SORCS3: variants seen among roughly 807,000 people sequenced by gnomAD.
SORCS3 encodes VPS10 domain-containing receptor SorCS3.
SORCS3 carries 57 observed loss-of-function variants against 146.3 expected under a neutral mutation model. The observed-to-expected ratio is 0.39, with a 90% CI of 0.31 to 0.49. SORCS3 has a LOEUF of 0.49. Ranked by LOEUF, SORCS3 falls within the 20% of genes least tolerant of loss-of-function variation. SORCS3 has a pLI of 0.92. For missense variants in SORCS3, 1,341 were observed against 1,575.5 expected, an observed-to-expected ratio of 0.85 and a Z score of 2.52; for synonymous variants, 653 against 618.5, an observed-to-expected ratio of 1.06 and a Z score of -0.83.
At position 105,262,463 on chromosome 10, in the gene SORCS3, G is replaced by A. The variant is rs1451227252; in HGVS notation, c.3576G>A (p.Leu1192=). The A allele has an allele frequency of 6.2e-7, 1 of 1,613,820 alleles. No individual in the cohort carries two copies. Among genetic ancestry groups the A allele is most frequent in the African/African-American group, 1.3e-5 (1 of 74,900 alleles). ...LSDFTEPEEL[L]DKELDTRVIG... ...ACTTTACGGAGCCTGAGGAGCTGCT[G>A]GACAAAGAGCTGGACACGCGGGTCA... The change falls in exon 26 of 27, where the codon CTG becomes CTA. Residue 1192 remains leucine, a synonymous_variant. Transcript: ENST00000369701.
rs563117113 is a variant in SORCS3 at position 104,861,149 on chromosome 10, T to C, written c.695+18290T>C. Among the ~76,000 whole-genome samples, 9 of 152,282 alleles carry C rather than the reference T, an allele frequency of 5.9e-5. 1 individual carries two copies. The highest frequency in any genetic ancestry group is 5.9e-4 in the Admixed American group (9 of 15,302). Reference sequence around the variant, plus strand: ...CTCCCCCTCAGTTCAGTTCCCTTAATAACTACTGAGGGACTTGTCAAACAG... The same window carrying C: ...CTCCCCCTCAGTTCAGTTCCCTTAACAACTACTGAGGGACTTGTCAAACAG... On this transcript the variant is annotated intron_variant, in intron 2 of 26. Transcript: ENST00000369701.
At chr10:104,643,594 T>C (rs964888697) in intron 1 of SORCS3, among the ~76,000 whole-genome samples, 2 of 152,116 alleles carry the variant, frequency 1.3e-5, no homozygotes, top group Non-Finnish European at 2.9e-5. Context: ...GACTTCCAAG[T>C]CCCTTCCAAG....
chr10:104,739,358 A>G (rs556142781), intron 1 of SORCS3, among the ~76,000 whole-genome samples: 2 of 152,292 alleles, frequency 1.3e-5, no homozygotes, highest in East Asian at 1.9e-4. Context: ...TTTTTCTGCT[A>G]TTGTCACATA....
At chr10:105,216,780 A>G (rs1386048218) in intron 18 of SORCS3, among the ~76,000 whole-genome samples, 156 bp from the exon 19 acceptor site, 1 of 152,104 alleles carries the variant, frequency 6.6e-6, no homozygotes, top group African/African-American at 2.4e-5. Flanking sequence ...TACCCTGCGG[A>G]TCAGATAGGA....
chr10:105,082,200 T>C (rs1414781735), intron 5 of SORCS3, among the ~76,000 whole-genome samples: 1 of 152,172 alleles, frequency 6.6e-6, no homozygotes, highest in Non-Finnish European at 1.5e-5. Flanking sequence ...AGGAGCCTTG[T>C]GAAGAGTTGG....
intron 14 of SORCS3, among the ~76,000 whole-genome samples, chr10:105,186,116 GGAA>G (rs1382425935): frequency 1.3e-5 from 2 of 152,176 alleles, no homozygotes; most frequent in African/African-American, 4.8e-5. Context: ...GTACATACAT[GGAA>G]GAAGTTCTCT....
intron 2 of SORCS3, among the ~76,000 whole-genome samples, chr10:104,891,100 C>T (rs1376156353): frequency 2.0e-5 from 3 of 152,112 alleles, no homozygotes; most frequent in Non-Finnish European, 4.4e-5. Flanking sequence ...AATTCTTACA[C>T]GTGTTTTGTT....
chr10:105,064,327 C>A (rs771055271), intron 5 of SORCS3, among the ~76,000 whole-genome samples: 6 of 152,082 alleles, frequency 3.9e-5, no homozygotes, highest in African/African-American at 1.4e-4. Flanking sequence ...GTGAATTAGT[C>A]AGGGCTCTCC....
intron 1 of SORCS3, among the ~76,000 whole-genome samples, chr10:104,803,487 C>T (rs904762502): frequency 2.0e-5 from 3 of 152,168 alleles, no homozygotes; most frequent in Admixed American, 2.0e-4. Context: ...TCAACCAGCT[C>T]ACCTTGATTT....
At chr10:105,192,211 G>A (rs2056521034) in intron 14 of SORCS3, among the ~76,000 whole-genome samples, 1 of 152,082 alleles carries the variant, frequency 6.6e-6, no homozygotes, top group Non-Finnish European at 1.5e-5. Context: ...AATAAGGATG[G>A]TCTCTGGAAA....
intron 3 of SORCS3, among the ~76,000 whole-genome samples, chr10:104,976,366 A>G (rs2054897458): frequency 2.0e-5 from 3 of 152,322 alleles, no homozygotes; most frequent in Non-Finnish European, 2.9e-5. Context: ...ATGAGATACC[A>G]TCTCACACCA....
At chr10:105,025,526 C>G (rs1472358714) in intron 4 of SORCS3, among the ~76,000 whole-genome samples, 1 of 152,162 alleles carries the variant, frequency 6.6e-6, no homozygotes, top group African/African-American at 2.4e-5. Flanking sequence ...CAAAATTATA[C>G]TTTCTCGTGT....
chr10:104,954,089 A>G (rs951764779), intron 3 of SORCS3, among the ~76,000 whole-genome samples: 1 of 152,218 alleles, frequency 6.6e-6, no homozygotes, highest in African/African-American at 2.4e-5. Context: ...ATATGTATAT[A>G]TATATTTGAC....
At chr10:105,153,814 TAATCCCAGCA>T (rs2056185628) in intron 9 of SORCS3, among the ~76,000 whole-genome samples, 1 of 152,002 alleles carries the variant, frequency 6.6e-6, no homozygotes, top group Non-Finnish European at 1.5e-5. Flanking sequence ...CTCACACCTG[TAATCCCAGCA>T]CTTTGGGAGA....
At chr10:105,001,668 GA>G (rs2055062197) in intron 4 of SORCS3, among the ~76,000 whole-genome samples, 1 of 152,148 alleles carries the variant, frequency 6.6e-6, no homozygotes, top group African/African-American at 2.4e-5. Context: ...CCCTTTAAGG[GA>G]AAAAGATGGA....
intron 20 of SORCS3, among the ~76,000 whole-genome samples, chr10:105,240,518 T>G (rs555654434): frequency 6.6e-6 from 1 of 152,334 alleles, no homozygotes; most frequent in Non-Finnish European, 1.5e-5. Context: ...CATGTCTATC[T>G]GTCCATCCTT....
intron 4 of SORCS3, among the ~76,000 whole-genome samples, chr10:105,014,943 ATC>A (rs1327701702): frequency 6.6e-6 from 1 of 152,186 alleles, no homozygotes; most frequent in Non-Finnish European, 1.5e-5. Flanking sequence ...TGAGAAGTAA[ATC>A]TCTGTTGTTT....
chr10:105,078,350 C>T lies in SORCS3; in HGVS notation c.1029-11425C>T, dbSNP rs1021212920. ...AATGCAATTTAGTCAGATCTAGAGC[C>T]TGTCTTTAAGAAGAATGAAATCAAG... On this transcript the variant is annotated intron_variant, in intron 5 of 26. Coordinates refer to ENST00000369701, the MANE Select transcript of SORCS3 (RefSeq NM_014978.3). Among the ~76,000 whole-genome samples, 54 of 151,912 alleles carry T rather than the reference C, an allele frequency of 3.6e-4. 1 individual carries two copies. The highest frequency in any genetic ancestry group is 1.1e-3 in the African/African-American group (47 of 41,338).
In SORCS3 at chr10:104,641,666, G is replaced by T. The variant is rs760156637; in HGVS notation, c.339G>T (p.Glu113Asp). The stretch of plus-strand genomic sequence containing the variant: ...CCGGAGGGACATCACCGGCAGGCGA[G>T]CGGCGGGGCCGGGGCATCCCAGCTC... ...VEAGGTSPAGERRGRGIPAPA... is the reference protein window; with the variant it reads ...VEAGGTSPAGDRRGRGIPAPA... Residue 113 changes from glutamate to aspartate, a missense_variant, in exon 1 of 27, where the codon GAG becomes GAT. By Grantham distance (45) the Glu-to-Asp change is conservative (BLOSUM62 2). Coordinates refer to ENST00000369701, the MANE Select transcript of SORCS3 (RefSeq NM_014978.3). This position sits in a 1 kb window ranked among gnomAD's most constrained non-coding sequence, Gnocchi z 6.4. 1.7e-4 allele frequency: 267 copies of T among 1,526,118 alleles called. No individual in the cohort carries two copies. Among genetic ancestry groups the T allele is most frequent in the Non-Finnish European group, 4.5e-5 (51 of 1,141,080 alleles). 94.5% of individuals were successfully genotyped at this position (1,526,118 alleles called of 1,614,324 possible).
Sources: allele counts gnomAD v4.1 joint callset (sites outside exome capture counted in the v4.1 genomes callset), GRCh38; gene constraint gnomAD v4.1.1; non-coding constraint Gnocchi (gnomAD v3.1); transcripts MANE v1.5; gene names NCBI Gene and HGNC (gene_info 2026-07-23, HGNC 2026-07-21).